Variants in N4BP2L2 observed in about 807,000 individuals in gnomAD.
N4BP2L2 encodes NEDD4-binding protein 2-like 2.
Under a neutral mutation model 56.2 loss-of-function variants are expected in N4BP2L2, and 50 were observed. That is an observed-to-expected ratio of 0.89 (90% CI 0.71 to 1.13). The LOEUF (loss-of-function observed/expected upper bound fraction) is 1.13. Ranked by LOEUF, N4BP2L2 falls within the 50% of genes most tolerant of loss-of-function variation. The pLI, the probability that N4BP2L2 is intolerant of heterozygous loss-of-function variation, is 0.00. For synonymous variants in N4BP2L2, 203 were observed against 223.6 expected (o/e 0.91, Z 0.82); for missense variants, 689 against 693.8 (o/e 0.99, Z 0.08).
intron 6 of N4BP2L2, among the ~76,000 whole-genome samples, chr13:32,501,618 T>A: frequency 6.6e-6 from 1 of 151,884 alleles, no homozygotes; most frequent in East Asian, 1.9e-4. Context: ...ATCGAGACCA[T>A]CCTGGCTAAC....
intron 2 of N4BP2L2, among the ~76,000 whole-genome samples, chr13:32,534,279 T>C (rs577415956): frequency 6.6e-6 from 1 of 152,340 alleles, no homozygotes; most frequent in African/African-American, 2.4e-5. Flanking sequence ...CCCACTACAA[T>C]GTCTCCTTTA....
intron 6 of N4BP2L2, among the ~76,000 whole-genome samples, chr13:32,480,250 A>C (rs1431275376): frequency 6.6e-6 from 1 of 152,196 alleles, no homozygotes; most frequent in African/African-American, 2.4e-5. Flanking sequence ...CTGTCAACCT[A>C]CTATTCTATA....
exon 6 of N4BP2L2, chr13:32,517,813 T>A (rs138840363): frequency 1.2e-6 from 2 of 1,613,014 alleles, no homozygotes; most frequent in South Asian, 2.2e-5. Flanking sequence ...TAATGATTAT[T>A]TGTGACACAG....
downstream of N4BP2L2, chr13:32,509,367 T>C (rs1354291807): frequency 3.9e-5 from 6 of 152,212 alleles, no homozygotes; most frequent in Non-Finnish European, 8.8e-5. Context: ...AAAACACTTC[T>C]GGTCTCAAGC....
intron 6 of N4BP2L2, among the ~76,000 whole-genome samples, chr13:32,487,729 C>T (rs1053101611): frequency 3.9e-5 from 6 of 151,956 alleles, no homozygotes; most frequent in Non-Finnish European, 5.9e-5. Flanking sequence ...TTATATATAA[C>T]GAATATCTTC....
At chr13:32,517,362 G>C (rs1245289924) in exon 6 of N4BP2L2, 1 of 988,278 alleles carries the variant, frequency 1.0e-6, no homozygotes. Context: ...CTAATGAATA[G>C]AGAAAACTAA....
At chr13:32,528,355 A>T (rs570389305) in intron 2 of N4BP2L2, among the ~76,000 whole-genome samples, 1 of 152,344 alleles carries the variant, frequency 6.6e-6, no homozygotes, top group East Asian at 1.9e-4. Context: ...GTTATGGAAC[A>T]ATCTGTGATC....
intron 6 of N4BP2L2, among the ~76,000 whole-genome samples, chr13:32,479,267 ATTAT>A (rs977463003): frequency 5.3e-5 from 8 of 151,950 alleles, no homozygotes; most frequent in African/African-American, 1.7e-4. Context: ...GTAATTATTT[ATTAT>A]TTATTTATTT....
chr13:32,457,994 G>A (rs2079264082), intron 6 of N4BP2L2, among the ~76,000 whole-genome samples: 1 of 151,940 alleles, frequency 6.6e-6, no homozygotes, highest in African/African-American at 2.4e-5. Flanking sequence ...ATGGATTAAA[G>A]TTTCCACTTA....
chr13:32,522,474 C>T (rs942977865), intron 3 of N4BP2L2: 7 of 353,266 alleles, frequency 2.0e-5, no homozygotes, highest in African/African-American at 2.1e-5. Flanking sequence ...GTGCATTCTC[C>T]AGACTGGATG....
exon 7 of N4BP2L2, chr13:32,443,720 C>A: frequency 1.3e-6 from 2 of 1,582,806 alleles, no homozygotes; most frequent in Non-Finnish European, 8.6e-7. Context: ...GGACAAGTAA[C>A]GGAGATTTCA....
At chr13:32,496,425 C>T (rs1158706786) in intron 6 of N4BP2L2, among the ~76,000 whole-genome samples, 2 of 152,162 alleles carry the variant, frequency 1.3e-5, no homozygotes, top group South Asian at 2.1e-4. Flanking sequence ...GTTTCAAATA[C>T]ATAACAAGTG....
exon 7 of N4BP2L2, chr13:32,442,976 T>A (rs1463675049): frequency 1.2e-6 from 2 of 1,613,744 alleles, no homozygotes; most frequent in Non-Finnish European, 1.7e-6. Context: ...AGTCCATGGT[T>A]TTTTGTTAAC....
exon 7 of N4BP2L2, chr13:32,442,424 A>T (rs1424482141): frequency 3.7e-6 from 6 of 1,603,382 alleles, no homozygotes; most frequent in Non-Finnish European, 5.1e-6. Context: ...AGCTTTACTA[A>T]TTGAAAGGCA....
intron 9 of N4BP2L2, among the ~76,000 whole-genome samples, chr13:32,434,248 C>CTTTTTTTTTTTTTT (rs369328452): frequency 5.4e-5 from 6 of 112,034 alleles, no homozygotes; most frequent in South Asian, 3.3e-4. Context: ...AGCTAATTTT[C>CTTTTTTTTTTTTTT]TTTTTTTCTT....
chr13:32,442,915 T>A lies in N4BP2L2; in HGVS notation c.1577A>T (p.Glu526Val), dbSNP rs769278153. 3 of 1,612,970 alleles carry A rather than the reference T, an allele frequency of 1.9e-6. No individual in the cohort carries two copies. The South Asian group carries it at 3.3e-5, about 18-fold the overall frequency. ...CATAAGTTTTTGTTTATTCTCCTCT[T>A]CACTGTTCCTTTCTGAAATTCTATC... Residue 526 changes from glutamate (E) to valine (V), a missense_variant, in exon 7 of 10, where the codon GAA becomes GTA. Glu to Val is a moderately radical substitution (Grantham distance 121). Transcript: ENST00000357505.
chr13:32,537,061 A>G, intron 1 of N4BP2L2, 34 bp from the exon 2 acceptor site: 2 of 1,308,390 alleles, frequency 1.5e-6, no homozygotes, highest in Non-Finnish European at 2.0e-6. Context: ...ATTACTAGCT[A>G]ATATATTAAA....
chr13:32,525,882 C>T (rs919701244), intron 3 of N4BP2L2, among the ~76,000 whole-genome samples: 6 of 151,960 alleles, frequency 3.9e-5, no homozygotes, highest in African/African-American at 1.2e-4. Flanking sequence ...AAATAACTGA[C>T]TCAGGAAACA....
At chr13:32,507,043 A>G (rs2139681814), downstream of N4BP2L2, 1 of 152,248 alleles carries the variant, frequency 6.6e-6, no homozygotes, top group South Asian at 2.1e-4. Flanking sequence ...AAATCCATCA[A>G]ATGATGGTAG....
Sources: allele counts gnomAD v4.1 joint callset (sites outside exome capture counted in the v4.1 genomes callset), GRCh38; gene constraint gnomAD v4.1.1; transcripts MANE v1.5; gene names NCBI Gene and HGNC (gene_info 2026-07-23, HGNC 2026-07-21).